The following ULK1 variants were observed in gnomAD, a reference collection of about 807,000 sequenced individuals.
ULK1 encodes unc-51 like autophagy activating kinase 1.
Under a neutral mutation model 117.5 loss-of-function variants are expected in ULK1, and 48 were observed. The observed-to-expected ratio is 0.41, with a 90% CI of 0.32 to 0.52. The LOEUF (loss-of-function observed/expected upper bound fraction) is 0.52, where lower values mean the gene tolerates loss of function less well. ULK1 is among the 20% of genes least tolerant of loss of function. The pLI is 0.29. For synonymous variants in ULK1, 790 were observed against 637.8 expected (o/e 1.24, Z -3.60); for missense variants, 1,387 against 1,473.4 (o/e 0.94, Z 0.96).
intron 13 of ULK1, among the ~76,000 whole-genome samples, chr12:131,912,781 AC>A (rs1315557733): frequency 4.6e-5 from 7 of 152,144 alleles, no homozygotes; most frequent in African/African-American, 7.2e-5. Flanking sequence ...AGGAAGACGG[AC>A]ACCAGGGGTA....
chr12:131,913,242 A>T lies in ULK1; in HGVS notation c.1141A>T (p.Ser381Cys). The T allele has an allele frequency of 6.3e-7, 1 of 1,592,836 alleles. No homozygotes were observed. ...EAPSAKPPPDSLMCSGSSLVA... is the reference protein window; with the variant it reads ...EAPSAKPPPDCLMCSGSSLVA... The stretch of plus-strand genomic sequence containing the variant: ...GCCCAGTGCCAAACCCCCGCCAGAC[A>T]GCCTGATGTGCAGTGGGTGAGCCCC... The change falls in exon 14 of 28, where the codon AGC (serine) becomes TGC (cysteine). Residue 381 changes from serine (S) to cysteine (C), a missense_variant. By Grantham distance (112) the Ser-to-Cys change is moderately radical. This residue lies in a region of ULK1 where 260 missense variants were observed against 271.6 expected (regional missense o/e 0.96). Coordinates refer to ENST00000321867, the MANE Select transcript of ULK1 (RefSeq NM_003565.4).
rs751420470 is a variant in ULK1, at chr12:131,916,575, A to C, written c.2056A>C (p.Lys686Gln). 1 of 1,585,466 alleles carries C rather than the reference A, an allele frequency of 6.3e-7. No homozygotes were observed. Among genetic ancestry groups the C allele is most frequent in the Non-Finnish European group, 8.5e-7 (1 of 1,171,374 alleles). ...TGGCCTGCGGCCAGGCGAGGACCCC[A>C]AGGGCCCCTTTGGCCGGTGAGTTGA... ...GPGLRPGEDP[K>Q]GPFGRSFSTS... The change falls in exon 20 of 28, where the codon AAG becomes CAG. Residue 686 changes from lysine (K) to glutamine (Q), a missense_variant. Transcript: ENST00000321867.
In ULK1 at chr12:131,918,559, G is replaced by A. The variant is rs1282400995; in HGVS notation, c.2389G>A (p.Ala797Thr). Residue 797 changes from alanine to threonine, a missense_variant, in exon 23 of 28, where the codon GCC becomes ACC. By Grantham distance (58) the Ala-to-Thr change is moderately conservative. Around this residue, in one of 4 missense-constraint regions of ULK1, gnomAD observed 900 missense variants for 858.9 expected, o/e 1.05. Coordinates refer to ENST00000321867, the MANE Select transcript of ULK1 (RefSeq NM_003565.4). ...CCTGGTGCCTGGGCCCTGCAGCGAG[G>A]CCCCAGCCCCTGAGCTCCCTGCTCC... ...RHLVPGPCSE[A>T]PAPELPAPGH... 1 of 1,610,896 alleles carries A rather than the reference G, an allele frequency of 6.2e-7. No individual in the cohort carries two copies. The highest frequency in any genetic ancestry group is 8.5e-7 in the Non-Finnish European group (1 of 1,179,264).
intron 19 of ULK1, 105 bp downstream of exon 19, chr12:131,916,264 A>G (rs982262786): frequency 2.6e-6 from 4 of 1,518,056 alleles, no homozygotes; most frequent in Non-Finnish European, 3.5e-6. Flanking sequence ...GTACCTTTTG[A>G]CCCCCGCCTG....
rs1593265781 is a variant in ULK1 at position 131,909,145 on chromosome 12, G to A, written c.574G>A (p.Val192Ile). Residue 192 changes from valine to isoleucine, a missense_variant, in exon 8 of 28, where the codon GTC (valine) becomes ATC (isoleucine). Around this residue, in one of 4 missense-constraint regions of ULK1, gnomAD observed 224 missense variants for 325.2 expected, o/e 0.69. Transcript: ENST00000321867. ...ACTTCTGGTCCCGCAGGCCCCCGAG[G>A]TCATCATGTCCCAGCACTACGACGG... Reference protein sequence around the residue: ...CGSPMYMAPEVIMSQHYDGKA... With the variant: ...CGSPMYMAPEIIMSQHYDGKA... 6.2e-7 allele frequency: 1 copy of A among 1,608,230 alleles called. No homozygotes were observed. The highest frequency in any genetic ancestry group is 1.1e-5 in the South Asian group (1 of 90,310).
Position 131,918,538 on chromosome 12 carries a change from G to T in ULK1, c.2368G>T (p.Val790Leu), listed in dbSNP as rs775533457. 3.7e-5 allele frequency: 59 copies of T among 1,610,986 alleles called. No individual in the cohort carries two copies. Among genetic ancestry groups the T allele is most frequent in the South Asian group, 1.1e-4 (10 of 90,804 alleles). ...TGCCAGCTCTTCTGCCCGCCACCTG[G>T]TGCCTGGGCCCTGCAGCGAGGCCCC... ...GSASSSARHL[V>L]PGPCSEAPAP... The change falls in exon 23 of 28, where the codon GTG becomes TTG. Residue 790 changes from valine to leucine, a missense_variant. Val to Leu is a conservative substitution (Grantham distance 32). This residue lies in a region of ULK1 where 900 missense variants were observed against 858.9 expected (regional missense o/e 1.05). Transcript: ENST00000321867.
At chr12:131,911,910 A>T (rs1593268165) in intron 12 of ULK1, 32 bp from the exon 13 acceptor site, 2 of 1,612,310 alleles carry the variant, frequency 1.2e-6, no homozygotes, top group East Asian at 4.5e-5. Flanking sequence ...GGTCCCTGAG[A>T]CCTGCTCACC....
rs1485121758 is a variant in ULK1, at chr12:131,895,108, G to A, written c.107G>A (p.Arg36His). Residue 36 changes from arginine (R) to histidine (H), a missense_variant, in exon 1 of 28, where the codon CGC (arginine) becomes CAC (histidine). Arg to His is a conservative substitution (Grantham distance 29). This residue lies in a region of ULK1 where 224 missense variants were observed against 325.2 expected (regional missense o/e 0.69). Transcript: ENST00000321867. ...GCGGTGGTCTTCAAGGGCCGCCACC[G>A]CGAGGTGAGGCCCCCGTCCGGCCCG... ...AFAVVFKGRH[R>H]EKHDLEVAVK... 2 of 1,546,572 alleles carry A rather than the reference G, an allele frequency of 1.3e-6. No individual in the cohort carries two copies. Among genetic ancestry groups the A allele is most frequent in the African/African-American group, 1.4e-5 (1 of 72,488 alleles).
rs766888342 is a variant in ULK1, at chr12:131,916,121, C to A, written c.1840C>A (p.Arg614=). 6.2e-7 allele frequency: 1 copy of A among 1,612,438 alleles called. No individual in the cohort carries two copies. Among genetic ancestry groups the A allele is most frequent in the Non-Finnish European group, 8.5e-7 (1 of 1,179,824 alleles). ...ACCCAAGCTGCCCGACTTCCTGCAG[C>A]GAAACCCCCTGCCCCCCATCCTGGG... ...GSPKLPDFLQ[R]NPLPPILGSP... is the part of the protein sequence containing the mutation. The change falls in exon 19 of 28, where the codon CGA becomes AGA. Residue 614 remains arginine (R), a synonymous_variant. Coordinates refer to ENST00000321867, the MANE Select transcript of ULK1 (RefSeq NM_003565.4).
chr12:131,910,144 C>T (rs936799798), intron 10 of ULK1, 110 bp from the exon 11 acceptor site: 1 of 1,573,688 alleles, frequency 6.4e-7, no homozygotes, highest in South Asian at 1.1e-5. Context: ...GGGGCTCCAC[C>T]TCCGCCCGGG....
In ULK1 at chr12:131,921,899, G is replaced by A. The variant is rs1890166006; in HGVS notation, c.*538G>A. The stretch of plus-strand genomic sequence containing the variant: ...AGGGACTGCTGGGCAGCGATTCCTG[G>A]CAGTGGCCTGGTGTTTGTACATACA... On this transcript the variant is annotated 3_prime_UTR_variant, in exon 28 of 28. Coordinates refer to ENST00000321867, the MANE Select transcript of ULK1 (RefSeq NM_003565.4). 1 of 457,310 alleles carries A rather than the reference G, an allele frequency of 2.2e-6. No individual in the cohort carries two copies. The highest frequency in any genetic ancestry group is 2.3e-5 in the Admixed American group (1 of 42,580). 28.3% of individuals were successfully genotyped at this position (457,310 alleles called of 1,614,324 possible). A position where few individuals can be genotyped will look rare whatever the true frequency, so the allele number is the denominator to read the frequency against.
chr12:131,903,729 A>C lies in ULK1; in HGVS notation c.247-3163A>C, dbSNP rs1889171714. Among the ~76,000 whole-genome samples, 1 of 152,066 alleles carries C rather than the reference A, an allele frequency of 6.6e-6. No homozygotes were observed. The highest frequency in any genetic ancestry group is 6.5e-5 in the Admixed American group (1 of 15,284). ...GGACCTTTTAGGAGAGAGGCTGAGC[A>C]TGGGCCAGGCCTTGGTTTCTGCAAG... On this transcript the variant is annotated intron_variant, in intron 3 of 27. Coordinates refer to ENST00000321867, the MANE Select transcript of ULK1 (RefSeq NM_003565.4). The surrounding 1 kb of genome is among the most constrained non-coding windows in gnomAD (Gnocchi z 6.0).
intron 18 of ULK1, 40 bp from the exon 19 acceptor site, chr12:131,915,851 G>A (rs774185563): frequency 3.4e-5 from 55 of 1,601,686 alleles, no homozygotes; most frequent in Non-Finnish European, 4.2e-5. Flanking sequence ...GGGCTGGGCC[G>A]CCGGACCGGA....
Position 131,910,796 on chromosome 12 carries a change from C to T in ULK1, c.944C>T (p.Pro315Leu), listed in dbSNP as rs550439192. 2.0e-5 allele frequency: 32 copies of T among 1,612,354 alleles called. No individual in the cohort carries two copies. The highest frequency in any genetic ancestry group is 1.5e-4 in the South Asian group (14 of 91,050). ...SSSSTSHLASPPSLGEMQQLQ... is the reference protein window; with the variant it reads ...SSSSTSHLASLPSLGEMQQLQ... Reference sequence around the variant, plus strand: ...AGCTCCACCTCCCACCTGGCCTCCCCGCCGGTGAGTTGCCGCCCCAGGGGC... The same window carrying T: ...AGCTCCACCTCCCACCTGGCCTCCCTGCCGGTGAGTTGCCGCCCCAGGGGC... Residue 315 changes from proline to leucine, a missense_variant, in exon 12 of 28, where the codon CCG (proline) becomes CTG (leucine). Transcript: ENST00000321867.
chr12:131,918,520 T>C lies in ULK1; in HGVS notation c.2350T>C (p.Ser784Pro). The change falls in exon 23 of 28, where the codon TCT becomes CCT. Residue 784 changes from serine to proline, a missense_variant. This residue lies in a region of ULK1 where 900 missense variants were observed against 858.9 expected (regional missense o/e 1.05). Transcript: ENST00000321867. Reference protein sequence around the residue: ...FSAGPTGSASSSARHLVPGPC... With the variant: ...FSAGPTGSASPSARHLVPGPC... The stretch of plus-strand genomic sequence containing the variant: ...AGCGGGCCCCACTGGCTCTGCCAGC[T>C]CTTCTGCCCGCCACCTGGTGCCTGG... 3 of 1,610,574 alleles carry C rather than the reference T, an allele frequency of 1.9e-6. No individual in the cohort carries two copies. Among genetic ancestry groups the C allele is most frequent in the Non-Finnish European group, 2.5e-6 (3 of 1,179,014 alleles).
intron 13 of ULK1, 27 bp from the exon 14 acceptor site, chr12:131,913,171 C>T (rs774831470): frequency 1.2e-5 from 18 of 1,552,192 alleles, no homozygotes; most frequent in Non-Finnish European, 1.5e-5. Flanking sequence ...GCAAGGACTC[C>T]AGGCCCAGCC....
At chr12:131,911,428 T>G (rs1889530359) in intron 12 of ULK1, among the ~76,000 whole-genome samples, 1 of 152,204 alleles carries the variant, frequency 6.6e-6, no homozygotes, top group African/African-American at 2.4e-5. Context: ...AGCGCCCTGC[T>G]GTAGGGAGCT....
chr12:131,907,389 G>A (rs907554275), intron 4 of ULK1, 106 bp from the exon 5 acceptor site: 15 of 1,437,400 alleles, frequency 1.0e-5, no homozygotes, highest in Admixed American at 2.1e-5. Context: ...AGGTGCCTGC[G>A]GGCTCAGGGA....
Position 131,916,387 on chromosome 12 carries a change from TG to T in ULK1, c.1879-10del. The T allele has an allele frequency of 6.4e-7, 1 of 1,555,552 alleles. No homozygotes were observed. The highest frequency in any genetic ancestry group is 8.7e-7 in the Non-Finnish European group (1 of 1,150,436). On this transcript the variant is annotated splice_polypyrimidine_tract_variant and intron_variant, in intron 19 of 27. Coordinates refer to ENST00000321867, the MANE Select transcript of ULK1 (RefSeq NM_003565.4). The stretch of plus-strand genomic sequence containing the variant: ...TGCGGGGCAGTCTTCACCCCATCTC[TG>T]TCCTCCTAGGCTGTGCCCTCCTTTG...
Sources: allele counts gnomAD v4.1 joint callset (sites outside exome capture counted in the v4.1 genomes callset), GRCh38; gene constraint gnomAD v4.1.1; regional missense constraint gnomAD v4.1.1; non-coding constraint Gnocchi (gnomAD v3.1); transcripts MANE v1.5; gene names NCBI Gene and HGNC (gene_info 2026-07-23, HGNC 2026-07-21).